AGBL4: variants seen among roughly 807,000 people sequenced by gnomAD.
AGBL4 encodes the protein cytosolic carboxypeptidase 6.
Under a neutral mutation model 66.4 loss-of-function variants are expected in AGBL4, and 58 were observed. That is an observed-to-expected ratio of 0.87 (90% CI 0.71 to 1.09). AGBL4 has a LOEUF of 1.09. Among genes scored for constraint, AGBL4 ranks in the 50% least tolerant of loss-of-function variants. AGBL4 has a pLI of 0.00. For missense variants in AGBL4, 579 were observed against 631.0 expected (o/e 0.92, Z 0.88); for synonymous variants, 234 against 222.9 (o/e 1.05, Z -0.44).
chr1:49,522,803 G>A (rs762238695), intron 3 of AGBL4, among the ~76,000 whole-genome samples: 27 of 152,064 alleles, frequency 1.8e-4, no homozygotes, highest in Non-Finnish European at 3.1e-4. Context: ...CAGTGTAGAA[G>A]CACAGCATGA....
At chr1:49,145,721 A>G (rs1043007026) in intron 4 of AGBL4, among the ~76,000 whole-genome samples, 4 of 152,170 alleles carry the variant, frequency 2.6e-5, no homozygotes, top group African/African-American at 9.7e-5. Flanking sequence ...CTAAAAATAG[A>G]GCTATCATAA....
chr1:49,127,042 C>G (rs1245312738), intron 4 of AGBL4, among the ~76,000 whole-genome samples: 1 of 152,136 alleles, frequency 6.6e-6, no homozygotes, highest in Non-Finnish European at 1.5e-5. Flanking sequence ...ACCAGATTTA[C>G]TCTACTGTCT....
At chr1:48,526,823 A>T in the AGBL4 span, among the ~76,000 whole-genome samples, 25 of 152,180 alleles carry the variant, frequency 1.6e-4, no homozygotes, top group Non-Finnish European at 3.5e-4. Context: ...AGAAAAAAGG[A>T]TCTAATTGCC....
intron 6 of AGBL4, among the ~76,000 whole-genome samples, chr1:48,775,399 C>T (rs1187884770): frequency 1.3e-5 from 2 of 152,170 alleles, no homozygotes; most frequent in Non-Finnish European, 2.9e-5. Flanking sequence ...TTGGGTTCAT[C>T]TTTTAGGCTA....
intron 3 of AGBL4, among the ~76,000 whole-genome samples, chr1:49,260,427 G>A (rs1653018953): frequency 1.3e-5 from 2 of 151,560 alleles, no homozygotes; most frequent in African/African-American, 2.4e-5. Context: ...TAATAAAGAA[G>A]AAAAGAGAGA....
At chr1:49,564,248 A>G (rs1264781872) in intron 3 of AGBL4, among the ~76,000 whole-genome samples, 2 of 152,046 alleles carry the variant, frequency 1.3e-5, no homozygotes, top group African/African-American at 4.8e-5. Context: ...TGATCTTTTC[A>G]AAAAACCAGC....
intron 1 of AGBL4, among the ~76,000 whole-genome samples, chr1:49,951,309 C>A (rs913147858): frequency 1.3e-5 from 2 of 151,776 alleles, no homozygotes; most frequent in Non-Finnish European, 2.9e-5. Context: ...TGTGTCAAAT[C>A]CCTGAAAAAT....
At chr1:49,999,113 G>A (rs567839990) in intron 1 of AGBL4, among the ~76,000 whole-genome samples, 7 of 151,968 alleles carry the variant, frequency 4.6e-5, no homozygotes, top group Middle Eastern at 3.4e-3. Flanking sequence ...AAGAAAGGAC[G>A]TCCAAATCAG....
At chr1:49,244,687 G>A (rs949117394) in intron 4 of AGBL4, among the ~76,000 whole-genome samples, 7 of 151,808 alleles carry the variant, frequency 4.6e-5, no homozygotes, top group African/African-American at 7.2e-5. Flanking sequence ...TTAACAATTC[G>A]TTGCATTTGT....
intron 6 of AGBL4, among the ~76,000 whole-genome samples, chr1:48,777,648 C>G (rs1645161690): frequency 6.6e-6 from 1 of 152,088 alleles, no homozygotes; most frequent in African/African-American, 2.4e-5. Context: ...TGCCAGCTGG[C>G]TGGGGAGGTG....
chr1:48,972,956 C>A (rs540746622), intron 5 of AGBL4, among the ~76,000 whole-genome samples: 2 of 152,218 alleles, frequency 1.3e-5, no homozygotes, highest in African/African-American at 4.8e-5. Flanking sequence ...TTACCAGGCT[C>A]ATATAGATCA....
chr1:49,472,931 G>A (rs1375680802), intron 3 of AGBL4, among the ~76,000 whole-genome samples: 1 of 151,954 alleles, frequency 6.6e-6, no homozygotes, highest in East Asian at 1.9e-4. Flanking sequence ...TTGGTTTTCT[G>A]TTCCTGCATT....
intron 2 of AGBL4, among the ~76,000 whole-genome samples, chr1:49,788,467 G>C (rs1455479785): frequency 6.6e-6 from 1 of 151,410 alleles, no homozygotes; most frequent in Non-Finnish European, 1.5e-5. Flanking sequence ...AGATGGCCCA[G>C]ATTTGGGCTT....
intron 1 of AGBL4, among the ~76,000 whole-genome samples, chr1:49,924,463 C>T (rs1652569220): frequency 6.6e-6 from 1 of 152,000 alleles, no homozygotes; most frequent in Non-Finnish European, 1.5e-5. Context: ...TGGGTGTTAC[C>T]TAATCCAAAT....
At chr1:49,091,285 A>G (rs889375778) in intron 4 of AGBL4, among the ~76,000 whole-genome samples, 5 of 152,140 alleles carry the variant, frequency 3.3e-5, no homozygotes, top group African/African-American at 1.2e-4. Context: ...CAACAAAGCA[A>G]CCAGACAACC....
chr1:49,083,188 C>T (rs1644838238), intron 4 of AGBL4, among the ~76,000 whole-genome samples: 1 of 152,172 alleles, frequency 6.6e-6, no homozygotes, highest in South Asian at 2.1e-4. Flanking sequence ...GTGGATCTAC[C>T]ATTCTGGGGT....
chr1:48,597,779 T>A (rs1319318604), intron 9 of AGBL4, among the ~76,000 whole-genome samples: 80 of 86,402 alleles, frequency 9.3e-4, no homozygotes, highest in Middle Eastern at 9.8e-3. Flanking sequence ...GAAGAAAGGG[T>A]GGAAGGAAGG....
intron 1 of AGBL4, among the ~76,000 whole-genome samples, chr1:49,893,293 C>T (rs1285776429): frequency 6.6e-6 from 1 of 152,184 alleles, no homozygotes; most frequent in Non-Finnish European, 1.5e-5. Flanking sequence ...ATAAAAGGCT[C>T]CACCGATTGT....
intron 6 of AGBL4, among the ~76,000 whole-genome samples, chr1:48,816,048 TGTGTG>T (rs1646165776): frequency 6.9e-4 from 1 of 1,444 alleles, no homozygotes; most frequent in Non-Finnish European, 7.7e-3. Flanking sequence ...AACTGTTTTG[TGTGTG>T]TGTGTGTGTG....
Sources: gnomAD v4.1 joint callset for allele counts (sites outside exome capture counted in the v4.1 genomes callset) on GRCh38, gnomAD v4.1.1 for gene constraint, MANE v1.5 for transcripts, NCBI Gene and HGNC (gene_info 2026-07-23, HGNC 2026-07-21) for gene names.